Variants in CGNL1 observed in about 807,000 individuals in gnomAD.
The protein encoded by CGNL1 is cingulin like 1.
CGNL1 carries 132 observed loss-of-function variants against 141.2 expected under a neutral mutation model. The observed-to-expected ratio is 0.93, with a 90% CI of 0.81 to 1.08. The LOEUF (loss-of-function observed/expected upper bound fraction) is 1.08. Ranked by LOEUF, CGNL1 falls within the 50% of genes least tolerant of loss-of-function variation. The pLI is 0.00. For missense variants in CGNL1, 1,870 were observed against 1,588.6 expected (o/e 1.18, Z -3.01); for synonymous variants, 690 against 622.1 (o/e 1.11, Z -1.63).
chr15:57,416,023 C>T (rs1182890308), intron 1 of CGNL1, among the ~76,000 whole-genome samples: 1 of 152,122 alleles, frequency 6.6e-6, no homozygotes, highest in Non-Finnish European at 1.5e-5. Context: ...GAACCGCTGT[C>T]TCTGTAGTCC....
intron 3 of CGNL1, among the ~76,000 whole-genome samples, chr15:57,441,083 A>T (rs1293247123): frequency 6.6e-6 from 1 of 152,192 alleles, no homozygotes; most frequent in East Asian, 1.9e-4. Context: ...CAAAAAAAAA[A>T]AAAAAAGCTT....
chr15:57,398,039 C>A (rs186320550), intron 1 of CGNL1, among the ~76,000 whole-genome samples: 3 of 152,158 alleles, frequency 2.0e-5, no homozygotes, highest in Non-Finnish European at 4.4e-5. Flanking sequence ...CCTCAGCTTC[C>A]CAAAGTGCTG....
intron 8 of CGNL1, among the ~76,000 whole-genome samples, chr15:57,482,129 A>G (rs1451808432): frequency 6.6e-6 from 1 of 151,426 alleles, no homozygotes; most frequent in Non-Finnish European, 1.5e-5. Context: ...TTTTTTTTAA[A>G]CTGTTGAGTT....
chr15:57,512,039 C>T (rs1415150874), intron 8 of CGNL1, among the ~76,000 whole-genome samples: 1 of 152,148 alleles, frequency 6.6e-6, no homozygotes, highest in Non-Finnish European at 1.5e-5. Flanking sequence ...GTACTTGTCC[C>T]CAGGGAACTT....
In CGNL1 at chr15:57,439,281, C is replaced by T. The variant is rs1310787945; in HGVS notation, c.1282C>T (p.Arg428Trp). 8.1e-6 allele frequency: 13 copies of T among 1,613,952 alleles called. No homozygotes were observed. Among genetic ancestry groups the T allele is most frequent in the Non-Finnish European group, 1.1e-5 (13 of 1,180,050 alleles). The change falls in exon 2 of 19, where the codon CGG becomes TGG. Residue 428 changes from arginine (R) to tryptophan (W), a missense_variant. By Grantham distance (101) the Arg-to-Trp change is moderately radical. Coordinates refer to ENST00000281282, the MANE Select transcript of CGNL1 (RefSeq NM_032866.5). ...LLRPSQVCPQ[R>W]PLSQERRGKQ... ...CCGGCCTTCCCAGGTGTGCCCGCAG[C>T]GGCCACTGTCTCAGGAGCGCCGTGG...
At chr15:57,461,591 C>T in intron 7 of CGNL1, 89 bp from the exon 8 acceptor site, 2 of 1,068,402 alleles carry the variant, frequency 1.9e-6, no homozygotes, top group Non-Finnish European at 1.4e-6. Flanking sequence ...GATGGCTGTG[C>T]ACATGGGGAC....
intron 7 of CGNL1, among the ~76,000 whole-genome samples, chr15:57,458,592 A>G (rs1349511998): frequency 1.3e-5 from 2 of 152,216 alleles, no homozygotes; most frequent in Non-Finnish European, 2.9e-5. Flanking sequence ...CTTATCATCC[A>G]AACAATTGAG....
At chr15:57,388,339 T>A (rs544813615) in intron 1 of CGNL1, among the ~76,000 whole-genome samples, 2 of 152,024 alleles carry the variant, frequency 1.3e-5, no homozygotes, top group Non-Finnish European at 2.9e-5. Flanking sequence ...TCTAGGGTGG[T>A]CTTTCCTTTG....
intron 1 of CGNL1, among the ~76,000 whole-genome samples, chr15:57,412,585 C>A (rs1190151779): frequency 6.6e-6 from 1 of 152,192 alleles, no homozygotes; most frequent in Non-Finnish European, 1.5e-5. Context: ...TTGCCTTCCT[C>A]CACCTCATGG....
At chr15:57,540,803 C>T (rs1003511483) in intron 14 of CGNL1, among the ~76,000 whole-genome samples, 2 of 152,232 alleles carry the variant, frequency 1.3e-5, no homozygotes, top group Non-Finnish European at 2.9e-5. Context: ...TCACAATGTC[C>T]TGCATAAGAC....
At chr15:57,442,768 G>A (rs2152311990) in intron 4 of CGNL1, among the ~76,000 whole-genome samples, 1 of 152,126 alleles carries the variant, frequency 6.6e-6, no homozygotes, top group South Asian at 2.1e-4. Context: ...ACAGGCATGT[G>A]CCACCACACC....
chr15:57,399,701 A>G (rs1352247487), intron 1 of CGNL1, among the ~76,000 whole-genome samples: 1 of 152,052 alleles, frequency 6.6e-6, no homozygotes, highest in Non-Finnish European at 1.5e-5. Flanking sequence ...GGAGTATGGA[A>G]TCTGTCCATT....
rs2063200866 is a variant in CGNL1 at position 57,442,400 on chromosome 15, A to T, written c.1725A>T (p.Lys575Asn). The change falls in exon 4 of 19, where the codon AAA (lysine) becomes AAT (asparagine). Residue 575 changes from lysine (K) to asparagine (N), a missense_variant. Lys to Asn is a moderately conservative substitution (Grantham distance 94). Transcript: ENST00000281282. ...EGSTDNDDAT[K>N]RKVNLVFEKI... The stretch of plus-strand genomic sequence containing the variant: ...GCACTGATAATGACGATGCTACTAA[A>T]AGGAAAGTCAACTTGGTCTTTGAGA... The T allele has an allele frequency of 6.2e-7, 1 of 1,613,268 alleles. No individual in the cohort carries two copies. The highest frequency in any genetic ancestry group is 1.3e-5 in the African/African-American group (1 of 74,894).
At chr15:57,517,065 A>C in intron 9 of CGNL1, 79 bp downstream of exon 9, 1 of 1,370,170 alleles carries the variant, frequency 7.3e-7, no homozygotes, top group Middle Eastern at 2.4e-4. Flanking sequence ...AAAAGTGGGG[A>C]AGGGATTTAT....
At chr15:57,395,024 C>G (rs1846941280) in intron 1 of CGNL1, among the ~76,000 whole-genome samples, 1 of 152,180 alleles carries the variant, frequency 6.6e-6, no homozygotes, top group Admixed American at 6.5e-5. Flanking sequence ...AGCAGGAAAA[C>G]TGCTTGAACC....
intron 12 of CGNL1, among the ~76,000 whole-genome samples, chr15:57,525,805 C>T (rs1328006950): frequency 6.6e-6 from 1 of 151,966 alleles, no homozygotes; most frequent in Non-Finnish European, 1.5e-5. Flanking sequence ...GATAATGGAT[C>T]CCCTTTGGCT....
chr15:57,544,551 G>A lies in CGNL1; in HGVS notation c.3454G>A (p.Glu1152Lys), dbSNP rs2032750310. The A allele has an allele frequency of 6.2e-7, 1 of 1,609,414 alleles. No individual in the cohort carries two copies. Among genetic ancestry groups the A allele is most frequent in the Non-Finnish European group, 8.5e-7 (1 of 1,177,960 alleles). The change falls in exon 16 of 19, where the codon GAG becomes AAG. Residue 1152 changes from glutamate (E) to lysine (K), a missense_variant. By Grantham distance (56) the Glu-to-Lys change is moderately conservative. Coordinates refer to ENST00000281282, the MANE Select transcript of CGNL1 (RefSeq NM_032866.5). ...CAAAGAGGGGCTGGTTGTGCAGATGGAGGCCAGGATCGCGGAGCTGGAGGA... is the reference window on the plus strand; with the variant it reads ...CAAAGAGGGGCTGGTTGTGCAGATGAAGGCCAGGATCGCGGAGCTGGAGGA... ...SSKEGLVVQMEARIAELEDRL... is the reference protein window; with the variant it reads ...SSKEGLVVQMKARIAELEDRL...
intron 1 of CGNL1, among the ~76,000 whole-genome samples, chr15:57,409,148 G>A (rs1046300381): frequency 3.3e-5 from 5 of 152,112 alleles, no homozygotes; most frequent in Non-Finnish European, 7.3e-5. Context: ...GTGCACACGC[G>A]TGTGTGCTGA....
At chr15:57,383,824 A>T (rs1187134459) in intron 1 of CGNL1, among the ~76,000 whole-genome samples, 2 of 151,182 alleles carry the variant, frequency 1.3e-5, no homozygotes, top group Non-Finnish European at 2.9e-5. Context: ...TGTTTTGTAG[A>T]AATGGGGTTT....
Sources: allele counts gnomAD v4.1 joint callset (sites outside exome capture counted in the v4.1 genomes callset), GRCh38; gene constraint gnomAD v4.1.1; transcripts MANE v1.5; gene names NCBI Gene and HGNC (gene_info 2026-07-23, HGNC 2026-07-21).